GMDS: variants seen among roughly 807,000 people sequenced by gnomAD.
The protein encoded by GMDS is GDP-mannose 4,6-dehydratase.
GMDS carries 20 observed loss-of-function variants against 49.9 expected under a neutral mutation model. The ratio of observed to expected loss-of-function variants is 0.40; its 90% CI spans 0.28 to 0.58. The LOEUF is 0.58. GMDS is among the 20% of genes least tolerant of loss of function. The probability of loss-of-function intolerance (pLI) is 0.42; values close to 1 mark genes in which losing one functional copy is unlikely to be tolerated. For missense variants in GMDS, 362 were observed against 481.4 expected (o/e 0.75, Z 2.32); for synonymous variants, 177 against 178.6 (o/e 0.99, Z 0.07).
chr6:1,995,574 G>A (rs1030582497), intron 4 of GMDS, among the ~76,000 whole-genome samples: 3 of 152,160 alleles, frequency 2.0e-5, no homozygotes, highest in Non-Finnish European at 2.9e-5. Flanking sequence ...GTTTACTAGA[G>A]ATCCTGCACT....
chr6:2,164,397 C>T (rs541401094), intron 1 of GMDS, among the ~76,000 whole-genome samples: 10 of 152,210 alleles, frequency 6.6e-5, no homozygotes, highest in Non-Finnish European at 8.8e-5. Flanking sequence ...AAAACAGAGC[C>T]GTGGTAAAGG....
At chr6:2,078,759 A>G (rs901391512) in intron 4 of GMDS, among the ~76,000 whole-genome samples, 9 of 152,164 alleles carry the variant, frequency 5.9e-5, no homozygotes, top group East Asian at 3.9e-4. Context: ...TGTTCTGTAA[A>G]TATCTGTTGA....
chr6:1,989,476 C>T (rs1309255333), intron 4 of GMDS, among the ~76,000 whole-genome samples: 1 of 152,200 alleles, frequency 6.6e-6, no homozygotes, highest in African/African-American at 2.4e-5. Context: ...GCTTTGTGTT[C>T]ACATGTTCAT....
At chr6:1,706,774 T>C (rs1237428043) in intron 9 of GMDS, among the ~76,000 whole-genome samples, 1 of 152,218 alleles carries the variant, frequency 6.6e-6, no homozygotes, top group African/African-American at 2.4e-5. Flanking sequence ...TCACCCATCA[T>C]TTTATCCCAG....
At chr6:1,759,620 G>A (rs1435871749) in intron 7 of GMDS, among the ~76,000 whole-genome samples, 1 of 152,196 alleles carries the variant, frequency 6.6e-6, no homozygotes, top group South Asian at 2.1e-4. Context: ...CTAGAGTCTG[G>A]CGATAGACCA....
chr6:2,137,832 A>T (rs1776086911), intron 1 of GMDS, among the ~76,000 whole-genome samples: 1 of 152,238 alleles, frequency 6.6e-6, no homozygotes, highest in Admixed American at 6.5e-5. Context: ...TCCATAAACC[A>T]GCAATGATCT....
intron 7 of GMDS, among the ~76,000 whole-genome samples, chr6:1,834,331 A>G (rs924554587): frequency 3.3e-5 from 5 of 152,230 alleles, no homozygotes; most frequent in African/African-American, 1.2e-4. Flanking sequence ...CTGGTAGAAC[A>G]GATCCAGACC....
At chr6:1,994,149 T>G (rs1766130975) in intron 4 of GMDS, among the ~76,000 whole-genome samples, 2 of 152,244 alleles carry the variant, frequency 1.3e-5, no homozygotes, top group South Asian at 4.1e-4. Context: ...GTATTTGTAC[T>G]TAGATGTGGC....
chr6:2,021,085 G>A (rs1393330058), intron 4 of GMDS, among the ~76,000 whole-genome samples: 3 of 152,192 alleles, frequency 2.0e-5, no homozygotes, highest in Non-Finnish European at 4.4e-5. Flanking sequence ...GTGCAGAGCA[G>A]GAACTCCACA....
intron 7 of GMDS, among the ~76,000 whole-genome samples, chr6:1,861,976 G>C (rs552955462): frequency 7.0e-4 from 107 of 152,292 alleles, no homozygotes; most frequent in South Asian, 2.3e-3. Context: ...TAGGAAAAGA[G>C]AACAACGGAA....
rs1581381805 is a variant in GMDS at position 1,624,595 on chromosome 6, C to T, written c.988-55G>A. The stretch of plus-strand genomic sequence containing the variant: ...GCGTGGGTCGTGGGGGTGGGGGCAG[C>T]AGGTCCCGAGCCCCGGGAACTCCCA... On this transcript the variant is annotated intron_variant, in intron 9 of 10. Coordinates refer to ENST00000380815, the MANE Select transcript of GMDS (RefSeq NM_001500.4). 3.9e-6 allele frequency: 5 copies of T among 1,271,220 alleles called. No individual in the cohort carries two copies. The East Asian group carries it at 9.6e-5, about 24-fold the overall frequency. 78.7% of individuals were successfully genotyped at this position (1,271,220 alleles called of 1,614,324 possible).
chr6:2,200,260 T>A (rs1187052365), intron 1 of GMDS, among the ~76,000 whole-genome samples: 1 of 149,772 alleles, frequency 6.7e-6, no homozygotes, highest in Non-Finnish European at 1.5e-5. Context: ...TGTAAGAGAG[T>A]GGAAGGGATG....
At chr6:2,200,796 A>G (rs1270032113) in intron 1 of GMDS, among the ~76,000 whole-genome samples, 2 of 148,028 alleles carry the variant, frequency 1.4e-5, no homozygotes, top group East Asian at 4.1e-4. Context: ...GTGAAGGATG[A>G]AGACAGAGCA....
intron 1 of GMDS, among the ~76,000 whole-genome samples, chr6:2,238,333 T>C (rs1781464488): frequency 6.6e-6 from 1 of 152,094 alleles, no homozygotes; most frequent in African/African-American, 2.4e-5. Flanking sequence ...CAGCGAGCTA[T>C]GATTGCACCA....
chr6:2,155,668 T>C (rs1777078700), intron 1 of GMDS, among the ~76,000 whole-genome samples: 1 of 152,182 alleles, frequency 6.6e-6, no homozygotes, highest in Non-Finnish European at 1.5e-5. Flanking sequence ...GAGTTGCGTA[T>C]TAATGGAGCA....
intron 7 of GMDS, among the ~76,000 whole-genome samples, chr6:1,818,510 A>G (rs1281824162): frequency 6.6e-6 from 1 of 151,120 alleles, no homozygotes; most frequent in East Asian, 2.0e-4. Flanking sequence ...CGGGAGGCTG[A>G]GGCAGGAGAA....
chr6:2,213,991 C>A (rs959126547), intron 1 of GMDS, among the ~76,000 whole-genome samples: 5 of 152,152 alleles, frequency 3.3e-5, no homozygotes, highest in African/African-American at 1.2e-4. Flanking sequence ...AGAGCTGATT[C>A]CAGATCTGGT....
intron 7 of GMDS, among the ~76,000 whole-genome samples, chr6:1,894,952 A>C (rs1191018012): frequency 6.6e-6 from 1 of 152,206 alleles, no homozygotes. Flanking sequence ...ATTCCAGACA[A>C]AAGATGTTCT....
At chr6:1,641,070 C>T (rs983150809) in intron 9 of GMDS, among the ~76,000 whole-genome samples, 1 of 152,214 alleles carries the variant, frequency 6.6e-6, no homozygotes, top group African/African-American at 2.4e-5. Context: ...TATATTTCTT[C>T]CTCTGGGTGC....
Sources: gnomAD v4.1 joint callset for allele counts (sites outside exome capture counted in the v4.1 genomes callset) on GRCh38, gnomAD v4.1.1 for gene constraint, MANE v1.5 for transcripts, NCBI Gene and HGNC (gene_info 2026-07-23, HGNC 2026-07-21) for gene names.